APOL1: variants seen among roughly 807,000 people sequenced by gnomAD.
APOL1 encodes the protein apolipoprotein L1.
A neutral mutation model predicts 14.9 loss-of-function variants in APOL1; 17 were observed. The ratio of observed to expected loss-of-function variants is 1.14; its 90% CI spans 0.78 to 1.71. The LOEUF is 1.71. Ranked by LOEUF, APOL1 falls within the 40% of genes most tolerant of loss-of-function variation. The pLI is 0.00. For missense variants in APOL1, 523 were observed against 485.9 expected, an observed-to-expected ratio of 1.08 and a Z score of -0.72; for synonymous variants, 195 against 184.8, an observed-to-expected ratio of 1.05 and a Z score of -0.45.
chr22:36,260,191 G>A (rs136155), intron 4 of APOL1, among the ~76,000 whole-genome samples: 77,621 of 152,068 alleles, frequency 0.51, 22,397 homozygotes, highest in East Asian at 0.76. Context: ...TCAGGAGATC[G>A]AGACGATCCT....
Position 36,265,882 on chromosome 22 carries a change from T to A in APOL1, c.1046T>A (p.Val349Glu). 1 of 1,614,184 alleles carries A rather than the reference T, an allele frequency of 6.2e-7. No homozygotes were observed. Among genetic ancestry groups the A allele is most frequent in the Non-Finnish European group, 8.5e-7 (1 of 1,180,036 alleles). ...APVSFFLVLD[V>E]VYLVYESKHL... ...GTAAGCTTCTTTCTTGTGCTGGATG[T>A]AGTCTACCTCGTGTACGAATCAAAG... Residue 349 changes from valine to glutamate, a missense_variant, in exon 6 of 6, where the codon GTA becomes GAA. By Grantham distance (121) the Val-to-Glu change is moderately radical. Transcript: ENST00000397278.
intron 5 of APOL1, among the ~76,000 whole-genome samples, chr22:36,262,321 T>C (rs1179694745): frequency 6.6e-6 from 1 of 152,164 alleles, no homozygotes; most frequent in Non-Finnish European, 1.5e-5. Flanking sequence ...GGAGTGGAGT[T>C]GCACAGCGCT....
rs980322560 is a variant in APOL1, at chr22:36,266,911, A to C, written c.*878A>C. 5.6e-6 allele frequency: 1 copy of C among 179,952 alleles called. No homozygotes were observed. Among genetic ancestry groups the C allele is most frequent in the Non-Finnish European group, 1.2e-5 (1 of 86,938 alleles). 11.1% of individuals were successfully genotyped at this position (179,952 alleles called of 1,614,324 possible). ...CAGAGCGAGACTCCATCTCAAAAAA[A>C]AAAAAAAAAAGAATATATTGACGGA... is the stretch of plus-strand genomic sequence containing the variant. On this transcript the variant is annotated 3_prime_UTR_variant, in exon 6 of 6. Transcript: ENST00000397278.
rs539588265 is a variant in APOL1 at position 36,266,747 on chromosome 22, T to C, written c.*714T>C. 1.5e-4 allele frequency: 51 copies of C among 330,162 alleles called. No individual in the cohort carries two copies. Among genetic ancestry groups the C allele is most frequent in the Middle Eastern group, 8.4e-4 (1 of 1,196 alleles). 20.5% of individuals were successfully genotyped at this position (330,162 alleles called of 1,614,324 possible). A position where few individuals can be genotyped will look rare whatever the true frequency, so the allele number is the denominator to read the frequency against. ...AGTGAAACCCCGTCTCTACTAAAAA[T>C]ACAAAAAATTAGCCGGGCATGGTGG... On this transcript the variant is annotated 3_prime_UTR_variant, in exon 6 of 6. Coordinates refer to ENST00000397278, the MANE Select transcript of APOL1 (RefSeq NM_003661.4).
rs187922489 is a variant in APOL1, at chr22:36,254,953, G to T, written c.-3G>T. The stretch of plus-strand genomic sequence containing the variant: ...CTGCTCAAGGAGGAGGCCCTGCAGC[G>T]ACATGGAGGGAGCTGCTTTGCTGAG... On this transcript the variant is annotated 5_prime_UTR_variant, in exon 2 of 6. Transcript: ENST00000397278. The T allele has an allele frequency of 1.2e-6, 2 of 1,613,928 alleles. No individual in the cohort carries two copies. Among genetic ancestry groups the T allele is most frequent in the South Asian group, 1.1e-5 (1 of 91,062 alleles).
intron 4 of APOL1, among the ~76,000 whole-genome samples, chr22:36,260,684 C>T (rs2016048238): frequency 6.6e-6 from 1 of 152,172 alleles, no homozygotes; most frequent in African/African-American, 2.4e-5. Context: ...AGCAGTCCAG[C>T]CTCTGCTGGG....
chr22:36,263,279 G>A (rs1172934477), intron 5 of APOL1, among the ~76,000 whole-genome samples: 1 of 152,170 alleles, frequency 6.6e-6, no homozygotes, highest in Non-Finnish European at 1.5e-5. Context: ...CAGGTGAAAG[G>A]GCATGAGGCA....
rs970245831 is a variant in APOL1 at position 36,266,150 on chromosome 22, G to T, written c.*117G>T. The T allele has an allele frequency of 1.7e-6, 2 of 1,174,610 alleles. No homozygotes were observed. Among genetic ancestry groups the T allele is most frequent in the African/African-American group, 3.1e-5 (2 of 64,280 alleles). 72.8% of individuals were successfully genotyped at this position (1,174,610 alleles called of 1,614,324 possible). A position where few individuals can be genotyped will look rare whatever the true frequency, so the allele number is the denominator to read the frequency against. On this transcript the variant is annotated 3_prime_UTR_variant, in exon 6 of 6. Coordinates refer to ENST00000397278, the MANE Select transcript of APOL1 (RefSeq NM_003661.4). ...TCTGTCGCCAAGTTGGAGTGCAATG[G>T]TGCGATCTCAGCTCACTGCAAGCTC...
chr22:36,265,538 G>A lies in APOL1; in HGVS notation c.702G>A (p.Trp234Ter). ...GTACCATGGACTACGGAAAGAAGTG[G>A]TGGACACAAGCCCAAGCCCACGACC... ...TSSTMDYGKK[W>*]WTQAQAHDLV... Residue 234 changes from tryptophan (W) to a stop codon, truncating the protein, a stop_gained, in exon 6 of 6, where the codon TGG becomes TGA. Transcript: ENST00000397278. LOFTEE classifies it low-confidence loss of function (END_TRUNC). 6.2e-7 allele frequency: 1 copy of A among 1,609,176 alleles called. No homozygotes were observed. The highest frequency in any genetic ancestry group is 8.5e-7 in the Non-Finnish European group (1 of 1,177,880).
intron 1 of APOL1, chr22:36,254,117 G>C (rs1479260480): frequency 9.6e-7 from 1 of 1,040,838 alleles, no homozygotes; most frequent in Non-Finnish European, 1.4e-6. Flanking sequence ...AAGGGCAGAT[G>C]TTGGCCTCCC....
intron 1 of APOL1, chr22:36,254,074 A>C: frequency 8.4e-6 from 13 of 1,541,624 alleles, no homozygotes; most frequent in Non-Finnish European, 1.2e-5. Flanking sequence ...GGATTATTAA[A>C]ATCAAACATT....
At position 36,266,474 on chromosome 22, in the gene APOL1, C is replaced by T; in HGVS notation, c.*441C>T. On this transcript the variant is annotated 3_prime_UTR_variant, in exon 6 of 6. Coordinates refer to ENST00000397278, the MANE Select transcript of APOL1 (RefSeq NM_003661.4). ...GTTAGGGACTTTGGCATTTCCATAG[C>T]TGAGCACAGCAGGGGAGGGGTTAAT... 2.5e-6 allele frequency: 1 copy of T among 404,976 alleles called. No individual in the cohort carries two copies. 25.1% of individuals were successfully genotyped at this position (404,976 alleles called of 1,614,324 possible). A position where few individuals can be genotyped will look rare whatever the true frequency, so the allele number is the denominator to read the frequency against.
intron 4 of APOL1, among the ~76,000 whole-genome samples, chr22:36,259,279 C>A (rs2015997790): frequency 6.6e-6 from 1 of 152,188 alleles, no homozygotes. Flanking sequence ...ACCAGCCCCA[C>A]CACATCAAGA....
At chr22:36,262,162 C>G (rs370422281) in intron 5 of APOL1, among the ~76,000 whole-genome samples, 1 of 152,200 alleles carries the variant, frequency 6.6e-6, no homozygotes, top group African/African-American at 2.4e-5. Flanking sequence ...GATGGGAGCC[C>G]AGCAGGACTT....
At chr22:36,259,595 T>C (rs2016009937) in intron 4 of APOL1, 1 of 1,231,778 alleles carries the variant, frequency 8.1e-7, no homozygotes, top group Admixed American at 2.9e-5. Context: ...CCCGGAATCC[T>C]TACGAAGGGC....
In APOL1 at chr22:36,266,668, G is replaced by T; in HGVS notation, c.*635G>T. The T allele has an allele frequency of 2.6e-6, 1 of 381,890 alleles. No homozygotes were observed. Among genetic ancestry groups the T allele is most frequent in the Non-Finnish European group, 4.7e-6 (1 of 214,806 alleles). The allele number at this position is 381,890 out of a possible 1,614,324, so 23.7% of individuals were successfully genotyped here. On this transcript the variant is annotated 3_prime_UTR_variant, in exon 6 of 6. Coordinates refer to ENST00000397278, the MANE Select transcript of APOL1 (RefSeq NM_003661.4). ...TGCCTGTAATCCGAGCACTTTGGGA[G>T]GCCAAGGCGGGCGGATCACGAGGTC...
chr22:36,264,810 C>CTTTTT (rs368899919), intron 5 of APOL1, among the ~76,000 whole-genome samples: 113 of 120,310 alleles, frequency 9.4e-4, no homozygotes, highest in East Asian at 1.1e-3. Flanking sequence ...AACTGCATTT[C>CTTTTT]TTTTTTTTTT....
rs115869088 is a variant in APOL1 at position 36,257,884 on chromosome 22, C to T, written c.187+477C>T. ...CCTAGCCCCTTTGCTCTGAGTGGCC[C>T]TGTGGGAATGTATCGGGCCTGATTC... On this transcript the variant is annotated intron_variant, in intron 4 of 5. Coordinates refer to ENST00000397278, the MANE Select transcript of APOL1 (RefSeq NM_003661.4). Among the ~76,000 whole-genome samples, 1,159 of 152,282 alleles carry T rather than the reference C, an allele frequency of 7.6e-3. 13 individuals carry two copies. The highest frequency in any genetic ancestry group is 0.026 in the African/African-American group (1,089 of 41,556).
intron 1 of APOL1, chr22:36,253,829 T>G (rs1376779741): frequency 8.1e-6 from 9 of 1,104,530 alleles, no homozygotes; most frequent in Non-Finnish European, 1.1e-5. Context: ...CCTCTGTCCC[T>G]CTGTTCAGAC....
Sources: gnomAD v4.1 joint callset for allele counts (sites outside exome capture counted in the v4.1 genomes callset) on GRCh38, gnomAD v4.1.1 for gene constraint, MANE v1.5 for transcripts, NCBI Gene and HGNC (gene_info 2026-07-23, HGNC 2026-07-21) for gene names.